RANBP2: variants seen among roughly 807,000 people sequenced by gnomAD.
RANBP2 encodes RAN binding protein 2.
In RANBP2, 57 loss-of-function variants were observed where a neutral mutation model predicts 303.6. That is an observed-to-expected ratio of 0.19 (90% CI 0.15 to 0.23). The LOEUF is 0.23. Ranked by LOEUF, RANBP2 falls within the 10% of genes least tolerant of loss-of-function variation. The pLI, the probability that RANBP2 is intolerant of heterozygous loss-of-function variation, is 1.00. For missense variants in RANBP2, 3,138 were observed against 3,780.8 expected (o/e 0.83, Z 4.46); for synonymous variants, 1,167 against 1,301.5 (o/e 0.90, Z 2.23).
the RANBP2 span, among the ~76,000 whole-genome samples, chr2:109,232,447 A>G: frequency 6.6e-6 from 1 of 152,162 alleles, no homozygotes; most frequent in Admixed American, 6.5e-5. Context: ...CTGCCTATCT[A>G]TCTGTAAATA....
the RANBP2 span, among the ~76,000 whole-genome samples, chr2:109,391,920 C>T: frequency 1.9e-4 from 29 of 152,086 alleles, no homozygotes; most frequent in Non-Finnish European, 4.0e-4. Context: ...CAGGCTCAAG[C>T]GATCCTCCCA....
At chr2:109,464,353 A>G in the RANBP2 span, among the ~76,000 whole-genome samples, 1 of 152,262 alleles carries the variant, frequency 6.6e-6, no homozygotes, top group Non-Finnish European at 1.5e-5. Flanking sequence ...TAACATTCAC[A>G]TGCAATAAGC....
At chr2:109,411,290 G>C in the RANBP2 span, among the ~76,000 whole-genome samples, 1 of 152,220 alleles carries the variant, frequency 6.6e-6, no homozygotes, top group Admixed American at 6.5e-5. Flanking sequence ...CTTTACTCAG[G>C]AGTTCCCAAT....
chr2:109,229,081 C>G, the RANBP2 span, among the ~76,000 whole-genome samples: 9 of 152,136 alleles, frequency 5.9e-5, no homozygotes, highest in African/African-American at 2.2e-4. Flanking sequence ...TGTTGGGAAC[C>G]TCAATCAAAG....
chr2:109,666,822 G>A, the RANBP2 span, among the ~76,000 whole-genome samples: 1 of 152,194 alleles, frequency 6.6e-6, no homozygotes, highest in Non-Finnish European at 1.5e-5. Flanking sequence ...TTTAACATGA[G>A]AGGAAACTGG....
At chr2:109,386,158 C>T in the RANBP2 span, among the ~76,000 whole-genome samples, 22 of 152,286 alleles carry the variant, frequency 1.4e-4, no homozygotes, top group East Asian at 2.5e-3. Flanking sequence ...CAAAGCTGAC[C>T]GCCTTGCCTG....
At chr2:109,610,756 G>A in the RANBP2 span, among the ~76,000 whole-genome samples, 1 of 152,106 alleles carries the variant, frequency 6.6e-6, no homozygotes, top group Non-Finnish European at 1.5e-5. Flanking sequence ...CTATGTACAT[G>A]AGTTAGAAGA....
chr2:109,073,870 C>G, the RANBP2 span, among the ~76,000 whole-genome samples: 1 of 150,364 alleles, frequency 6.7e-6, no homozygotes, highest in Non-Finnish European at 1.5e-5. Flanking sequence ...TCAGTTTAAC[C>G]TGTTATAAAT....
chr2:109,318,032 G>A, the RANBP2 span, among the ~76,000 whole-genome samples: 1 of 151,562 alleles, frequency 6.6e-6, no homozygotes, highest in South Asian at 2.1e-4. Flanking sequence ...GCAAAGGGCA[G>A]GGAGGATCAT....
the RANBP2 span, among the ~76,000 whole-genome samples, chr2:109,339,375 A>G: frequency 1.8e-4 from 28 of 152,244 alleles, no homozygotes; most frequent in East Asian, 5.4e-3. Flanking sequence ...AAGGACCTAC[A>G]AGGAATCCTC....
the RANBP2 span, among the ~76,000 whole-genome samples, chr2:108,877,151 G>A: frequency 6.6e-6 from 1 of 152,178 alleles, no homozygotes; most frequent in African/African-American, 2.4e-5. Context: ...GCCAAGGTGA[G>A]AATGGTGGAA....
At position 108,773,028 on chromosome 2, in the gene RANBP2, A is replaced by G; in HGVS notation, c.8274A>G (p.Gln2758=). 1 of 1,612,700 alleles carries G rather than the reference A, an allele frequency of 6.2e-7. No homozygotes were observed. Among genetic ancestry groups the G allele is most frequent in the Non-Finnish European group, 8.5e-7 (1 of 1,179,086 alleles). The part of the protein sequence containing the change: ...GNGEDFQSEL[Q]KVQEAQKSQT... ...GGGAGGACTTTCAATCAGAGCTTCA[A>G]AAAGTTCAGGAAGCTCAAGTAAGAA... is the stretch of plus-strand genomic sequence containing the variant. The change falls in exon 23 of 29, where the codon CAA becomes CAG. Residue 2758 remains glutamine, a synonymous_variant. Transcript: ENST00000283195.
chr2:109,090,337 CA>C, the RANBP2 span, among the ~76,000 whole-genome samples: 30 of 146,776 alleles, frequency 2.0e-4, no homozygotes, highest in South Asian at 2.0e-3. Flanking sequence ...CACACACACA[CA>C]CACACACACA....
At chr2:109,708,343 G>A in the RANBP2 span, among the ~76,000 whole-genome samples, 1 of 151,984 alleles carries the variant, frequency 6.6e-6, no homozygotes, top group African/African-American at 2.4e-5. Flanking sequence ...CTGGGCAACA[G>A]AGCAAGATCC....
chr2:109,412,925 T>C, the RANBP2 span, among the ~76,000 whole-genome samples: 1 of 152,194 alleles, frequency 6.6e-6, no homozygotes, highest in Admixed American at 6.5e-5. Context: ...CCACTCTGCA[T>C]ACCCTACATG....
At chr2:108,935,488 C>T in the RANBP2 span, among the ~76,000 whole-genome samples, 1 of 152,242 alleles carries the variant, frequency 6.6e-6, no homozygotes, top group East Asian at 1.9e-4. Context: ...TCTAGACGAT[C>T]TCCTAGCAAC....
chr2:109,459,833 G>T, the RANBP2 span, among the ~76,000 whole-genome samples: 1 of 152,170 alleles, frequency 6.6e-6, no homozygotes, highest in Non-Finnish European at 1.5e-5. Flanking sequence ...TTTTGCTAGT[G>T]GGTTACTAGG....
At chr2:109,648,735 C>T in the RANBP2 span, among the ~76,000 whole-genome samples, 1 of 150,830 alleles carries the variant, frequency 6.6e-6, no homozygotes, top group Non-Finnish European at 1.5e-5. Context: ...CTCACATCAA[C>T]CCCTGCCGCC....
the RANBP2 span, among the ~76,000 whole-genome samples, chr2:109,444,958 G>A: frequency 8.5e-5 from 13 of 152,232 alleles, no homozygotes; most frequent in South Asian, 2.7e-3. Flanking sequence ...AGGAAGCTAT[G>A]AAAAAATAGG....
Sources: gnomAD v4.1 joint callset for allele counts (sites outside exome capture counted in the v4.1 genomes callset) on GRCh38, gnomAD v4.1.1 for gene constraint, MANE v1.5 for transcripts, NCBI Gene and HGNC (gene_info 2026-07-23, HGNC 2026-07-21) for gene names.